The following FBXL17 variants were observed in gnomAD, a reference collection of about 807,000 sequenced individuals.
FBXL17 encodes F-box/LRR-repeat protein 17.
Under a neutral mutation model 66.2 loss-of-function variants are expected in FBXL17, and 22 were observed. The observed-to-expected ratio is 0.33, with a 90% CI of 0.24 to 0.47. The LOEUF (loss-of-function observed/expected upper bound fraction) is 0.47, where lower values mean the gene tolerates loss of function less well. FBXL17 is among the 20% of genes least tolerant of loss of function. The pLI, the probability that FBXL17 is intolerant of heterozygous loss-of-function variation, is 1.00. For missense variants in FBXL17, 878 were observed against 948.2 expected (o/e 0.93, Z 0.97); for synonymous variants, 474 against 400.5 (o/e 1.18, Z -2.19).
At chr5:108,014,327 C>A (rs1006496064) in intron 7 of FBXL17, among the ~76,000 whole-genome samples, 3 of 152,058 alleles carry the variant, frequency 2.0e-5, no homozygotes, top group Non-Finnish European at 4.4e-5. Context: ...TAATTTGGAA[C>A]AACATACATG....
chr5:108,356,066 A>G (rs1238731956), intron 3 of FBXL17, among the ~76,000 whole-genome samples: 2 of 152,212 alleles, frequency 1.3e-5, no homozygotes, highest in African/African-American at 4.8e-5. Context: ...ATACTAATCA[A>G]AAGAAAGCAG....
chr5:108,274,078 TA>T (rs1435061873), intron 4 of FBXL17, among the ~76,000 whole-genome samples: 2 of 152,284 alleles, frequency 1.3e-5, no homozygotes, highest in African/African-American at 4.8e-5. Context: ...TAAAGACTTA[TA>T]AAAAAAGAAA....
intron 4 of FBXL17, among the ~76,000 whole-genome samples, chr5:108,306,617 G>A (rs1029789102): frequency 6.6e-6 from 1 of 151,902 alleles, no homozygotes; most frequent in African/African-American, 2.4e-5. Flanking sequence ...ATTTATCTTT[G>A]ATAAATTGTT....
intron 4 of FBXL17, among the ~76,000 whole-genome samples, chr5:108,334,831 C>T (rs889435984): frequency 1.3e-5 from 2 of 152,078 alleles, no homozygotes; most frequent in African/African-American, 2.4e-5. Context: ...AGTAAAGGCC[C>T]GCTGTCAAAG....
rs1028912371 is a variant in FBXL17, at chr5:107,889,113, G to T, written c.1823-7934C>A. ...TAATGGTATTGTGTATCTTTATCAT[G>T]GTGCCACACTTTAAAAAAATTTCTA... is the stretch of plus-strand genomic sequence containing the variant. On this transcript the variant is annotated intron_variant, in intron 7 of 8. Transcript: ENST00000542267. Among the ~76,000 whole-genome samples, 17 of 151,932 alleles carry T rather than the reference G, an allele frequency of 1.1e-4. No homozygotes were observed. In the East Asian group the frequency reaches 2.9e-3, roughly 26 times the overall value.
chr5:108,231,134 A>G (rs1371195454), intron 4 of FBXL17, among the ~76,000 whole-genome samples: 4 of 152,154 alleles, frequency 2.6e-5, no homozygotes, highest in South Asian at 2.1e-4. Flanking sequence ...CCATAATCCA[A>G]GCACTACGCA....
At chr5:108,016,669 C>T (rs1180528709) in intron 7 of FBXL17, among the ~76,000 whole-genome samples, 2 of 152,206 alleles carry the variant, frequency 1.3e-5, no homozygotes, top group Non-Finnish European at 2.9e-5. Flanking sequence ...AGAAATACCA[C>T]TTCCTCCACA....
At chr5:108,212,966 T>C (rs1381062915) in intron 5 of FBXL17, among the ~76,000 whole-genome samples, 1 of 152,176 alleles carries the variant, frequency 6.6e-6, no homozygotes, top group East Asian at 1.9e-4. Flanking sequence ...GTTTTATCTA[T>C]ATGTCCCTGA....
Position 108,173,703 on chromosome 5 carries a change from G to A in FBXL17, c.1745+12414C>T, listed in dbSNP as rs142276859. Among the ~76,000 whole-genome samples the A allele has an allele frequency of 2.8e-3, 428 of 152,334 alleles. 1 individual carries two copies. The highest frequency in any genetic ancestry group is 6.8e-3 in the Middle Eastern group (2 of 294). ...TATGGAAAGACAGAGGTAAAGGAAAGAGCTACTTGCTTGTTTGACAATATG... is the reference window on the plus strand; with the variant it reads ...TATGGAAAGACAGAGGTAAAGGAAAAAGCTACTTGCTTGTTTGACAATATG... On this transcript the variant is annotated intron_variant, in intron 6 of 8. Coordinates refer to ENST00000542267, the MANE Select transcript of FBXL17 (RefSeq NM_001163315.3).
intron 4 of FBXL17, among the ~76,000 whole-genome samples, chr5:108,281,249 T>C (rs1757691341): frequency 6.6e-6 from 1 of 151,918 alleles, no homozygotes; most frequent in African/African-American, 2.4e-5. Flanking sequence ...TTCTCCTAGA[T>C]AGACCATATG....
At chr5:108,227,092 C>G (rs1755132962) in intron 4 of FBXL17, among the ~76,000 whole-genome samples, 1 of 152,126 alleles carries the variant, frequency 6.6e-6, no homozygotes, top group African/African-American at 2.4e-5. Context: ...CCTAATGGTT[C>G]TGTTTCTGTG....
intron 6 of FBXL17, 59 bp downstream of exon 6, chr5:108,186,058 T>C: frequency 7.4e-7 from 1 of 1,344,880 alleles, no homozygotes; most frequent in East Asian, 2.3e-5. Flanking sequence ...GTTATAATAA[T>C]TAATATTTCC....
intron 4 of FBXL17, among the ~76,000 whole-genome samples, chr5:108,309,675 T>A (rs190788959): frequency 3.6e-4 from 55 of 152,174 alleles, no homozygotes; most frequent in Admixed American, 1.4e-3. Context: ...TAACTTTTTT[T>A]AATAAAATAC....
At chr5:108,366,182 C>A (rs573888435) in intron 2 of FBXL17, among the ~76,000 whole-genome samples, 10 of 151,990 alleles carry the variant, frequency 6.6e-5, no homozygotes, top group Admixed American at 2.0e-4. Flanking sequence ...TATATAGGAA[C>A]GTCCACATCA....
rs906102490 is a variant in FBXL17 at position 108,381,011 on chromosome 5, ACCGCCGCCGCCGCCG to A, written c.666_680del (p.Gly227_Gly231del). ...CTCCCCCCGCAGGCCCTCCCCCGCC[ACCGCCGCCGCCGCCG>A]CCGCCGCAGCCCCCGCCGCCGCAGC... is the stretch of plus-strand genomic sequence containing the variant. On this transcript the variant is annotated inframe_deletion, in exon 1 of 9. Transcript: ENST00000542267. 1 of 1,121,420 alleles carries A rather than the reference ACCGCCGCCGCCGCCG, an allele frequency of 8.9e-7. No homozygotes were observed. Among genetic ancestry groups the A allele is most frequent in the African/African-American group, 1.6e-5 (1 of 60,686 alleles). The allele number at this position is 1,121,420 out of a possible 1,614,324, so 69.5% of individuals were successfully genotyped here.
At chr5:108,299,554 A>G (rs1008026030) in intron 4 of FBXL17, 1 of 963,500 alleles carries the variant, frequency 1.0e-6, no homozygotes, top group African/African-American at 1.8e-5. Flanking sequence ...TTAGATAAAG[A>G]TATATTTTTC....
chr5:108,093,883 G>T (rs1286776507), intron 6 of FBXL17, among the ~76,000 whole-genome samples: 1 of 152,112 alleles, frequency 6.6e-6, no homozygotes, highest in Admixed American at 6.5e-5. Context: ...AAAAATCAAA[G>T]TCATTAAATA....
At chr5:108,377,320 A>T (rs1749508974) in intron 1 of FBXL17, among the ~76,000 whole-genome samples, 1 of 152,194 alleles carries the variant, frequency 6.6e-6, no homozygotes, top group African/African-American at 2.4e-5. Context: ...TCTGCCTTTT[A>T]ATTTATAGCT....
intron 7 of FBXL17, among the ~76,000 whole-genome samples, chr5:107,992,499 A>G (rs984320027): frequency 6.6e-6 from 1 of 152,200 alleles, no homozygotes; most frequent in South Asian, 2.1e-4. Flanking sequence ...TTTAATGTGA[A>G]AAACACTGCC....
Sources: gnomAD v4.1 joint callset for allele counts (sites outside exome capture counted in the v4.1 genomes callset) on GRCh38, gnomAD v4.1.1 for gene constraint, MANE v1.5 for transcripts, NCBI Gene and HGNC (gene_info 2026-07-23, HGNC 2026-07-21) for gene names.